The following TRAIP variants were observed in gnomAD, a reference collection of about 807,000 sequenced individuals.
TRAIP encodes TRAF interacting protein, also known as E3 ubiquitin-protein ligase TRAIP.
In TRAIP, 37 loss-of-function variants were observed where a neutral mutation model predicts 65.0. The ratio of observed to expected loss-of-function variants is 0.57; its 90% CI spans 0.44 to 0.75. TRAIP has a LOEUF of 0.75. Ranked by LOEUF, TRAIP falls within the 30% of genes least tolerant of loss-of-function variation. The probability of loss-of-function intolerance (pLI) is 0.00; values close to 1 mark genes in which losing one functional copy is unlikely to be tolerated. For missense variants in TRAIP, 481 were observed against 579.4 expected (o/e 0.83, Z 1.74); for synonymous variants, 187 against 219.1 (o/e 0.85, Z 1.29).
At chr3:49,832,299 G>A (rs571807424) in intron 10 of TRAIP, among the ~76,000 whole-genome samples, 10 of 152,008 alleles carry the variant, frequency 6.6e-5, no homozygotes, top group East Asian at 1.9e-4. Context: ...AAGACCACCC[G>A]GGCTAACATG....
At chr3:49,840,759 T>C (rs2081832200) in intron 8 of TRAIP, among the ~76,000 whole-genome samples, 1 of 152,168 alleles carries the variant, frequency 6.6e-6, no homozygotes, top group Admixed American at 6.5e-5. Context: ...GGAGCATCAG[T>C]GTCCACATGT....
Position 49,839,819 on chromosome 3 carries a change from G to A in TRAIP, c.837C>T (p.Asn279=). ...KKLTMLQETL[N]LPPVASETVD... ...CAGTCTCACTGGCCACTGGTGGCAG[G>A]TTCAAGGTTTCCTGCAGCATCGTTA... The change falls in exon 10 of 15, where the codon AAC becomes AAT. Residue 279 remains asparagine (N), a synonymous_variant. Coordinates refer to ENST00000331456, the MANE Select transcript of TRAIP (RefSeq NM_005879.3). The A allele has an allele frequency of 6.2e-7, 1 of 1,614,256 alleles. No individual in the cohort carries two copies.
intron 10 of TRAIP, among the ~76,000 whole-genome samples, chr3:49,836,614 T>G (rs749526398): frequency 6.6e-6 from 1 of 152,130 alleles, no homozygotes; most frequent in Non-Finnish European, 1.5e-5. Flanking sequence ...GAGGATCGCT[T>G]GAGGCCAGGA....
intron 5 of TRAIP, 71 bp from the exon 6 acceptor site, chr3:49,842,618 ACT>A: frequency 2.1e-6 from 3 of 1,411,114 alleles, no homozygotes; most frequent in Middle Eastern, 1.8e-4. Flanking sequence ...CACTAGGAAA[ACT>A]CTGCTCCAGA....
Position 49,831,948 on chromosome 3 carries a change from A to T in TRAIP, c.1005T>A (p.Gly335=). The change falls in exon 11 of 15, where the codon GGT becomes GGA. Residue 335 remains glycine (G), a synonymous_variant. Transcript: ENST00000331456. ...TCTCTAGGCAAAGTTTTTCGTAGTAACCATGCTGGGAGCTGGAGGGCCGGG... is the reference window on the plus strand; with the variant it reads ...TCTCTAGGCAAAGTTTTTCGTAGTATCCATGCTGGGAGCTGGAGGGCCGGG... The part of the protein sequence containing the change: ...PPARPSSSQH[G]YYEKLCLEKS... 1.3e-6 allele frequency: 2 copies of T among 1,597,432 alleles called. No homozygotes were observed. The highest frequency in any genetic ancestry group is 1.7e-6 in the Non-Finnish European group (2 of 1,172,106).
At position 49,847,552 on chromosome 3, in the gene TRAIP, C is replaced by T. The variant is rs2081895774; in HGVS notation, c.213G>A (p.Glu71=). 1.9e-6 allele frequency: 3 copies of T among 1,611,666 alleles called. No individual in the cohort carries two copies. In the South Asian group the frequency reaches 3.3e-5, roughly 18 times the overall value. Residue 71 remains glutamate (E), a synonymous_variant, in exon 3 of 15, where the codon GAG becomes GAA. Transcript: ENST00000331456. ...KLFFDLAQEE[E]NVLDAEFLKN... is the part of the protein sequence containing the mutation. ...TTAAGAATTCTGCATCCAAGACATTCTCCTCCTCCTGGGCAAGATCAAAGA... is the reference window on the plus strand; with the variant it reads ...TTAAGAATTCTGCATCCAAGACATTTTCCTCCTCCTGGGCAAGATCAAAGA...
In TRAIP at chr3:49,830,025, T is replaced by A; in HGVS notation, c.1081A>T (p.Arg361Trp). 6.2e-7 allele frequency: 1 copy of A among 1,614,190 alleles called. No homozygotes were observed. Among genetic ancestry groups the A allele is most frequent in the Non-Finnish European group, 8.5e-7 (1 of 1,180,026 alleles). The change falls in exon 12 of 15, where the codon AGG becomes TGG. Residue 361 changes from arginine to tryptophan, a missense_variant. Physicochemically the swap from Arg to Trp is moderately radical, Grantham distance 101. Coordinates refer to ENST00000331456, the MANE Select transcript of TRAIP (RefSeq NM_005879.3). ...TTCTTCTAGAAAGCTCTTACCTTCC[T>A]GGGGCCTTTGCATATCTTCTTGGGG... ...DVPKKICKGP[R>W]KESQLSLGGQ...
intron 3 of TRAIP, 50 bp from the exon 4 acceptor site, chr3:49,844,630 T>C (rs776671004): frequency 6.2e-7 from 1 of 1,608,384 alleles, no homozygotes; most frequent in South Asian, 1.1e-5. Context: ...ATAGCTGACC[T>C]CCACGTGGTC....
At chr3:49,844,393 A>G (rs2081865719) in intron 4 of TRAIP, 148 bp downstream of exon 4, 1 of 863,008 alleles carries the variant, frequency 1.2e-6, no homozygotes, top group Admixed American at 2.3e-5. Flanking sequence ...TTTTCTGCCC[A>G]CCACAACAGC....
At chr3:49,831,823 A>T (rs1341930233) in intron 11 of TRAIP, 93 bp downstream of exon 11, 6 of 1,371,222 alleles carry the variant, frequency 4.4e-6, no homozygotes, top group Non-Finnish European at 5.7e-6. Context: ...TCACTGCCCC[A>T]TCAGCCACTC....
intron 5 of TRAIP, among the ~76,000 whole-genome samples, chr3:49,842,813 C>T (rs900334188): frequency 2.0e-5 from 3 of 152,182 alleles, no homozygotes; most frequent in Non-Finnish European, 4.4e-5. Flanking sequence ...CAGCCCACTG[C>T]CAGCATTTAC....
chr3:49,839,220 G>A (rs988616428), intron 10 of TRAIP, among the ~76,000 whole-genome samples: 1 of 151,928 alleles, frequency 6.6e-6, no homozygotes, highest in Admixed American at 6.6e-5. Flanking sequence ...AAAAAGACTG[G>A]GGCCACTGAC....
chr3:49,846,681 C>G (rs972454023), intron 3 of TRAIP, among the ~76,000 whole-genome samples: 8 of 152,218 alleles, frequency 5.3e-5, no homozygotes, highest in Middle Eastern at 3.4e-3. Context: ...AAAACTGTAC[C>G]AAGTCTCACC....
At chr3:49,838,279 G>C (rs2081805563) in intron 10 of TRAIP, among the ~76,000 whole-genome samples, 1 of 152,236 alleles carries the variant, frequency 6.6e-6, no homozygotes, top group Non-Finnish European at 1.5e-5. Flanking sequence ...GGCTTGTCAA[G>C]TTTAGTGTCC....
chr3:49,841,053 C>T lies in TRAIP; in HGVS notation c.637G>A (p.Glu213Lys). The change falls in exon 8 of 15, where the codon GAG (glutamate) becomes AAG (lysine). Residue 213 changes from glutamate (E) to lysine (K), a missense_variant. Transcript: ENST00000331456. ...ACCTCCCCTGAGGCCTTCCGTGCCTCTTTTAGATTCTCGTACTCTCTGCAA... is the reference window on the plus strand; with the variant it reads ...ACCTCCCCTGAGGCCTTCCGTGCCTTTTTTAGATTCTCGTACTCTCTGCAA... The part of the protein sequence containing the change: ...SLKKEYENLK[E>K]ARKASGEVAD... 6.2e-7 allele frequency: 1 copy of T among 1,614,176 alleles called. No individual in the cohort carries two copies.
chr3:49,830,115 G>A, intron 11 of TRAIP, 47 bp from the exon 12 acceptor site: 1 of 1,604,008 alleles, frequency 6.2e-7, no homozygotes, highest in Non-Finnish European at 8.5e-7. Context: ...CAAGACATGG[G>A]GGCAGGTGAA....
intron 3 of TRAIP, among the ~76,000 whole-genome samples, chr3:49,847,262 G>T (rs1482507258): frequency 6.6e-6 from 1 of 151,344 alleles, no homozygotes; most frequent in Non-Finnish European, 1.5e-5. Flanking sequence ...CACCCCTACA[G>T]TCCTAGCTAC....
At chr3:49,833,243 G>A (rs1559445697) in intron 10 of TRAIP, among the ~76,000 whole-genome samples, 1 of 152,112 alleles carries the variant, frequency 6.6e-6, no homozygotes, top group Non-Finnish European at 1.5e-5. Flanking sequence ...GCAGGATCTC[G>A]CTGGGTCCTG....
In TRAIP at chr3:49,829,902, G is replaced by A. The variant is rs1048743058; in HGVS notation, c.1086+118C>T. On this transcript the variant is annotated intron_variant, in intron 12 of 14. Coordinates refer to ENST00000331456, the MANE Select transcript of TRAIP (RefSeq NM_005879.3). ...AGGGATAATGAGTAGAATCCCAAGG[G>A]TGGCTCCGAAGTACCTCAGTCCTGG... 3.3e-5 allele frequency: 52 copies of A among 1,583,068 alleles called. No homozygotes were observed. The African/African-American group carries it at 5.0e-4, about 15-fold the overall frequency.
Sources: gnomAD v4.1 joint callset for allele counts (sites outside exome capture counted in the v4.1 genomes callset) on GRCh38, gnomAD v4.1.1 for gene constraint, MANE v1.5 for transcripts, NCBI Gene and HGNC (gene_info 2026-07-23, HGNC 2026-07-21) for gene names.